Variants in GAS7 observed in about 807,000 individuals in gnomAD.
GAS7 encodes growth arrest-specific protein 7.
In GAS7, 28 loss-of-function variants were observed where a neutral mutation model predicts 71.1. The observed-to-expected ratio is 0.39, with a 90% CI of 0.29 to 0.54. The LOEUF is 0.54. Among genes scored for constraint, GAS7 ranks in the 20% least tolerant of loss-of-function variants. The probability of loss-of-function intolerance (pLI) is 0.62; values close to 1 mark genes in which losing one functional copy is unlikely to be tolerated. For missense variants in GAS7, 436 were observed against 627.8 expected (o/e 0.69, Z 3.27); for synonymous variants, 258 against 245.8 (o/e 1.05, Z -0.46).
At chr17:9,942,941 G>A (rs1399845276) in intron 7 of GAS7, among the ~76,000 whole-genome samples, 180 bp downstream of exon 7, 1 of 152,070 alleles carries the variant, frequency 6.6e-6, no homozygotes, top group Non-Finnish European at 1.5e-5. Flanking sequence ...CACTATATCG[G>A]CCAAAGGTAC....
At chr17:10,044,266 T>C (rs1216216631) in intron 1 of GAS7, among the ~76,000 whole-genome samples, 2 of 152,202 alleles carry the variant, frequency 1.3e-5, no homozygotes. Flanking sequence ...CGATACCCAA[T>C]TTACTGGAGT....
intron 1 of GAS7, among the ~76,000 whole-genome samples, chr17:10,062,837 C>A (rs938740159): frequency 1.3e-5 from 2 of 152,144 alleles, no homozygotes; most frequent in Non-Finnish European, 2.9e-5. Context: ...TTCCTAATGA[C>A]CCTGCAGATC....
At chr17:9,949,181 T>G (rs1211457548) in intron 5 of GAS7, among the ~76,000 whole-genome samples, 1 of 147,190 alleles carries the variant, frequency 6.8e-6, no homozygotes, top group African/African-American at 2.7e-5. Context: ...GGGCAGATCC[T>G]GCTCAGCTCT....
chr17:9,969,718 T>C lies in GAS7; in HGVS notation c.430A>G (p.Thr144Ala). Residue 144 changes from threonine (T) to alanine (A), a missense_variant, in exon 4 of 14, where the codon ACT (threonine) becomes GCT (alanine). By Grantham distance (58) the Thr-to-Ala change is moderately conservative. Coordinates refer to ENST00000432992, the MANE Select transcript of GAS7 (RefSeq NM_201433.2). This position sits in a 1 kb window ranked among gnomAD's most constrained non-coding sequence, Gnocchi z 5.5. ...GATTTTCGGACACTCATGTGGGCAGTCTCTGGAGGGTGCGCTGGGGTCCCT... is the reference window on the plus strand; with the variant it reads ...GATTTTCGGACACTCATGTGGGCAGCCTCTGGAGGGTGCGCTGGGGTCCCT... ...ASGTPAHPPETAHMSVRKSTG... is the reference protein window; with the variant it reads ...ASGTPAHPPEAAHMSVRKSTG... 3.1e-6 allele frequency: 5 copies of C among 1,613,042 alleles called. No homozygotes were observed. Among genetic ancestry groups the C allele is most frequent in the Non-Finnish European group, 4.2e-6 (5 of 1,178,960 alleles).
chr17:10,033,458 A>G (rs1252529327), intron 1 of GAS7, among the ~76,000 whole-genome samples: 1 of 152,188 alleles, frequency 6.6e-6, no homozygotes, highest in Non-Finnish European at 1.5e-5. Flanking sequence ...CCAGAACCAA[A>G]TTTACCAAGC....
At chr17:10,111,563 C>A (rs1437009591) in intron 1 of GAS7, among the ~76,000 whole-genome samples, 3 of 150,806 alleles carry the variant, frequency 2.0e-5, no homozygotes, top group Non-Finnish European at 4.4e-5. Context: ...AAACAAAAAA[C>A]CAGAAATATA....
At chr17:10,007,866 T>C (rs979380313) in intron 2 of GAS7, among the ~76,000 whole-genome samples, 5 of 151,814 alleles carry the variant, frequency 3.3e-5, no homozygotes, top group African/African-American at 1.2e-4. Context: ...AAAGAAACCC[T>C]GTACCCATCA....
intron 2 of GAS7, among the ~76,000 whole-genome samples, chr17:10,001,873 C>T: frequency 6.6e-6 from 1 of 152,194 alleles, no homozygotes; most frequent in East Asian, 1.9e-4. Flanking sequence ...GACAGCTCTT[C>T]TAAGCAAGAG....
At position 10,103,078 on chromosome 17, in the gene GAS7, G is replaced by A. The variant is rs1036388749; in HGVS notation, c.184-83181C>T. On this transcript the variant is annotated intron_variant, in intron 1 of 13. Coordinates refer to ENST00000432992, the MANE Select transcript of GAS7 (RefSeq NM_201433.2). The surrounding 1 kb of genome is among the most constrained non-coding windows in gnomAD (Gnocchi z 5.5). Reference sequence around the variant, plus strand: ...GCATTTTAACAAACCCTGACCGGACGTAGTGGCTCACACCTGTAATCCCAG... The same window carrying A: ...GCATTTTAACAAACCCTGACCGGACATAGTGGCTCACACCTGTAATCCCAG... Among the ~76,000 whole-genome samples, 2 of 152,152 alleles carry A rather than the reference G, an allele frequency of 1.3e-5. No individual in the cohort carries two copies. The highest frequency in any genetic ancestry group is 1.9e-4 in the East Asian group (1 of 5,186).
intron 1 of GAS7, among the ~76,000 whole-genome samples, chr17:10,092,448 C>T (rs978321494): frequency 1.3e-5 from 2 of 152,212 alleles, no homozygotes; most frequent in African/African-American, 4.8e-5. Context: ...TGACACACAA[C>T]TGCTGTTCAA....
chr17:10,162,810 G>A lies in GAS7; in HGVS notation c.183+35398C>T, dbSNP rs371411281. ...TAGTATAGTCAAATTCATAGAGATAGAAAGGACAATGGAGTTACCAGGGGC... is the reference window on the plus strand; with the variant it reads ...TAGTATAGTCAAATTCATAGAGATAAAAAGGACAATGGAGTTACCAGGGGC... On this transcript the variant is annotated intron_variant, in intron 1 of 13. Coordinates refer to ENST00000432992, the MANE Select transcript of GAS7 (RefSeq NM_201433.2). Among the ~76,000 whole-genome samples the A allele has an allele frequency of 1.1e-4, 16 of 152,280 alleles. 1 individual carries two copies. In the South Asian group the frequency reaches 3.3e-3, roughly 32 times the overall value.
rs1363998522 is a variant in GAS7 at position 9,974,485 on chromosome 17, A to AG, written c.386-4724dup. Among the ~76,000 whole-genome samples the AG allele has an allele frequency of 6.6e-6, 1 of 152,120 alleles. No individual in the cohort carries two copies. Among genetic ancestry groups the AG allele is most frequent in the Admixed American group, 6.5e-5 (1 of 15,276 alleles). ...GAAATTGGTCAAGGATCGCTCATAA[A>AG]GGGAACATAATTCAGTCTGGAGATA... On this transcript the variant is annotated intron_variant, in intron 3 of 13. Coordinates refer to ENST00000432992, the MANE Select transcript of GAS7 (RefSeq NM_201433.2). This position sits in a 1 kb window ranked among gnomAD's most constrained non-coding sequence, Gnocchi z 4.0.
At chr17:10,073,681 T>C (rs1019617916) in intron 1 of GAS7, among the ~76,000 whole-genome samples, 1 of 152,224 alleles carries the variant, frequency 6.6e-6, no homozygotes. Context: ...TGAGCTATTT[T>C]ACCAGTGCAC....
chr17:10,147,081 G>C (rs1018738752), intron 1 of GAS7, among the ~76,000 whole-genome samples: 1 of 152,176 alleles, frequency 6.6e-6, no homozygotes. Flanking sequence ...ATTAAGTCAA[G>C]AATTACAGTA....
chr17:10,010,153 T>C (rs8072863), intron 2 of GAS7, among the ~76,000 whole-genome samples: 20,359 of 151,940 alleles, frequency 0.13, 1,406 homozygotes, highest in Non-Finnish European at 0.15. Context: ...TTCTTTTTTT[T>C]TTTCTTTCTT....
At chr17:9,944,597 G>A (rs1275440725) in intron 6 of GAS7, among the ~76,000 whole-genome samples, 2 of 152,160 alleles carry the variant, frequency 1.3e-5, no homozygotes, top group Non-Finnish European at 2.9e-5. Flanking sequence ...AGGATTTTAT[G>A]GACACCTTCC....
intron 1 of GAS7, among the ~76,000 whole-genome samples, chr17:10,160,685 A>C (rs1349674454): frequency 2.0e-5 from 3 of 152,180 alleles, no homozygotes; most frequent in Admixed American, 2.0e-4. Flanking sequence ...ATAATATAGA[A>C]AGTTAAGGAA....
intron 1 of GAS7, among the ~76,000 whole-genome samples, chr17:10,025,358 C>T (rs889641644): frequency 6.6e-6 from 1 of 152,056 alleles, no homozygotes; most frequent in Non-Finnish European, 1.5e-5. Context: ...CATTTCCTCA[C>T]TGAGACCACC....
chr17:10,024,261 G>C (rs969356396), intron 1 of GAS7, among the ~76,000 whole-genome samples: 1 of 152,166 alleles, frequency 6.6e-6, no homozygotes, highest in Non-Finnish European at 1.5e-5. Flanking sequence ...GGCCACAGAG[G>C]GGCAAGAGCA....
Sources: gnomAD v4.1 joint callset for allele counts (sites outside exome capture counted in the v4.1 genomes callset) on GRCh38, gnomAD v4.1.1 for gene constraint, Gnocchi (gnomAD v3.1) non-coding constraint, MANE v1.5 for transcripts, NCBI Gene and HGNC (gene_info 2026-07-23, HGNC 2026-07-21) for gene names.